EYS: variants seen among roughly 807,000 people sequenced by gnomAD.
EYS encodes protein eyes shut homolog.
A neutral mutation model predicts 282.1 loss-of-function variants in EYS; 250 were observed. The ratio of observed to expected loss-of-function variants is 0.89; its 90% confidence interval spans 0.80 to 0.98. The LOEUF (loss-of-function observed/expected upper bound fraction) is 0.98. Ranked by LOEUF, EYS falls within the 50% of genes least tolerant of loss-of-function variation. EYS has a pLI of 0.00. For missense variants in EYS, 4,016 were observed against 3,709.0 expected (o/e 1.08, Z -2.15); for synonymous variants, 1,355 against 1,282.9 (o/e 1.06, Z -1.20).
chr6:65,147,710 T>C (rs1764512642), intron 12 of EYS, among the ~76,000 whole-genome samples: 1 of 152,064 alleles, frequency 6.6e-6, no homozygotes, highest in African/African-American at 2.4e-5. Flanking sequence ...CATGATTACC[T>C]GTTATATTAG....
chr6:64,731,917 C>T (rs1771982662), intron 22 of EYS, among the ~76,000 whole-genome samples: 1 of 152,072 alleles, frequency 6.6e-6, no homozygotes, highest in Non-Finnish European at 1.5e-5. Flanking sequence ...AAATCAAATG[C>T]CCATCAATGT....
At chr6:63,782,191 G>C (rs922075774) in intron 39 of EYS, among the ~76,000 whole-genome samples, 1 of 152,186 alleles carries the variant, frequency 6.6e-6, no homozygotes, top group African/African-American at 2.4e-5. Context: ...TGTTTATCAA[G>C]GATATTGGTC....
chr6:65,338,365 C>T (rs1770070864), intron 10 of EYS, among the ~76,000 whole-genome samples: 1 of 150,968 alleles, frequency 6.6e-6, no homozygotes, highest in Admixed American at 6.6e-5. Flanking sequence ...CCTTGTAAAG[C>T]AGAGGAAAGA....
At chr6:65,672,881 G>A (rs977685273) in intron 1 of EYS, among the ~76,000 whole-genome samples, 4 of 152,038 alleles carry the variant, frequency 2.6e-5, no homozygotes, top group Non-Finnish European at 5.9e-5. Context: ...GAAGGGAGAT[G>A]GGGTGTGGCC....
In EYS at chr6:64,042,078, A is replaced by G. The variant is rs114415068; in HGVS notation, c.6725+24260T>C. On this transcript the variant is annotated intron_variant, in intron 33 of 42. Transcript: ENST00000503581. ...ATCTCTATCCTTTAGAAAGTTCACT[A>G]ACACACAAGATAACATATTAATGAT... 8.9e-3 allele frequency among the ~76,000 whole-genome samples: 1,354 copies of G among 152,298 alleles called. 16 individuals are homozygous for G. Among genetic ancestry groups the G allele is most frequent in the African/African-American group, 0.029 (1,222 of 41,556 alleles).
In EYS at chr6:64,394,653, C is replaced by G. The variant is rs550767301; in HGVS notation, c.5928-5813G>C. On this transcript the variant is annotated intron_variant, in intron 28 of 42. Transcript: ENST00000503581. ...ATTCAAGATGGATTAAAGACTTAAACATTAGACCTAAAACCATAAAAACCC... is the reference window on the plus strand; with the variant it reads ...ATTCAAGATGGATTAAAGACTTAAAGATTAGACCTAAAACCATAAAAACCC... Among the ~76,000 whole-genome samples the G allele has an allele frequency of 6.6e-5, 10 of 151,768 alleles. No individual in the cohort carries two copies. In the South Asian group the frequency reaches 8.3e-4, roughly 13 times the overall value.
At chr6:63,931,137 C>T (rs1764879856) in intron 35 of EYS, among the ~76,000 whole-genome samples, 2 of 152,122 alleles carry the variant, frequency 1.3e-5, no homozygotes, top group South Asian at 4.1e-4. Context: ...GAAACACTTC[C>T]AATAGAAAAC....
At chr6:65,330,346 A>T (rs1769750103) in intron 11 of EYS, 1 of 983,864 alleles carries the variant, frequency 1.0e-6, no homozygotes. Context: ...ACTTAGACAT[A>T]AATTTGAGGC....
At chr6:64,802,209 A>ATTTTTAGTAGAGATGAGAT in intron 22 of EYS, among the ~76,000 whole-genome samples, 1 of 150,426 alleles carries the variant, frequency 6.6e-6, no homozygotes, top group Admixed American at 6.6e-5. Context: ...AATATTTTTT[A>ATTTTTAGTAGAGATGAGAT]TTTTTAGTAG....
In EYS at chr6:65,538,136, G is replaced by C. The variant is rs562969311; in HGVS notation, c.-332-42143C>G. Among the ~76,000 whole-genome samples, 40 of 152,242 alleles carry C rather than the reference G, an allele frequency of 2.6e-4. 1 individual carries two copies. The South Asian group carries it at 8.3e-3, about 32-fold the overall frequency. On this transcript the variant is annotated intron_variant, in intron 2 of 42. Coordinates refer to ENST00000503581, the MANE Select transcript of EYS (RefSeq NM_001142800.2). Reference sequence around the variant, plus strand: ...CTTTAAAGAGTTTCTAGCAAAATAAGTGTTTAATATTGGTGGACAATTATT... The same window carrying C: ...CTTTAAAGAGTTTCTAGCAAAATAACTGTTTAATATTGGTGGACAATTATT...
intron 33 of EYS, among the ~76,000 whole-genome samples, chr6:64,043,981 C>T (rs9362410): frequency 0.38 from 57,946 of 152,046 alleles, 11,225 homozygotes; most frequent in Middle Eastern, 0.45. Context: ...AGGAACTTTT[C>T]ATGAAAACCT....
At chr6:63,953,693 C>A (rs903211980) in intron 35 of EYS, among the ~76,000 whole-genome samples, 1 of 152,110 alleles carries the variant, frequency 6.6e-6, no homozygotes, top group African/African-American at 2.4e-5. Context: ...AATTCTTTCC[C>A]CACTCCCCTT....
chr6:64,984,310 G>A (rs1274078343), intron 14 of EYS, among the ~76,000 whole-genome samples: 3 of 151,346 alleles, frequency 2.0e-5, no homozygotes, highest in African/African-American at 7.2e-5. Flanking sequence ...GAGCAGAGAG[G>A]TTACCAAACT....
chr6:64,643,228 A>T (rs1768234752), intron 22 of EYS, among the ~76,000 whole-genome samples: 1 of 152,120 alleles, frequency 6.6e-6, no homozygotes, highest in Admixed American at 6.5e-5. Flanking sequence ...TTTTATCCAT[A>T]GAGTGTATAA....
Position 64,436,032 on chromosome 6 carries a change from A to C in EYS, c.5927+142T>G, listed in dbSNP as rs36032225. On this transcript the variant is annotated intron_variant, in intron 28 of 42. Transcript: ENST00000503581. ...GTACATTTTTTAGAATATATAGAAAAGCTTGACAAACATTAATTCATACAC... is the reference window on the plus strand; with the variant it reads ...GTACATTTTTTAGAATATATAGAAACGCTTGACAAACATTAATTCATACAC... 9.1e-3 allele frequency: 3,786 copies of C among 417,338 alleles called. 25 individuals carry two copies. Among genetic ancestry groups the C allele is most frequent in the Non-Finnish European group, 9.8e-3 (2,307 of 235,260 alleles). The allele number at this position is 417,338 out of a possible 1,614,324, so 25.9% of individuals were successfully genotyped here.
chr6:65,558,174 C>T (rs1002370533), intron 2 of EYS, among the ~76,000 whole-genome samples: 1 of 152,216 alleles, frequency 6.6e-6, no homozygotes, highest in Admixed American at 6.5e-5. Flanking sequence ...TGCCATCCAG[C>T]GTGCCCAGGC....
intron 1 of EYS, among the ~76,000 whole-genome samples, chr6:65,691,682 C>T (rs962635280): frequency 1.3e-5 from 2 of 150,186 alleles, no homozygotes; most frequent in Non-Finnish European, 1.5e-5. Context: ...AATGGTATTG[C>T]CTAGGTTTTC....
intron 30 of EYS, among the ~76,000 whole-genome samples, chr6:64,270,956 A>G (rs532553944): frequency 5.3e-5 from 8 of 152,166 alleles, no homozygotes; most frequent in South Asian, 2.1e-4. Context: ...CTTATTTTCA[A>G]TTAACAACAT....
chr6:65,493,896 C>T (rs1766135357), intron 4 of EYS, among the ~76,000 whole-genome samples: 1 of 152,198 alleles, frequency 6.6e-6, no homozygotes, highest in Admixed American at 6.5e-5. Flanking sequence ...CTGTTCCTCT[C>T]CAATCCTGCC....
Sources: gnomAD v4.1 joint callset for allele counts (sites outside exome capture counted in the v4.1 genomes callset) on GRCh38, gnomAD v4.1.1 for gene constraint, MANE v1.5 for transcripts, NCBI Gene and HGNC (gene_info 2026-07-23, HGNC 2026-07-21) for gene names.